The following OSBPL11 variants were observed in gnomAD, a reference collection of about 807,000 sequenced individuals.
OSBPL11 encodes the protein oxysterol binding protein like 11, also known as oxysterol-binding protein-related protein 11.
A neutral mutation model predicts 84.4 loss-of-function variants in OSBPL11; 33 were observed. That is an observed-to-expected ratio of 0.39 (90% CI 0.30 to 0.52). OSBPL11 has a LOEUF of 0.52. Among genes scored for constraint, OSBPL11 ranks in the 20% least tolerant of loss-of-function variants. OSBPL11 has a pLI of 0.72. For synonymous variants in OSBPL11, 276 were observed against 310.2 expected, an observed-to-expected ratio of 0.89 and a Z score of 1.16; for missense variants, 736 against 901.1, an observed-to-expected ratio of 0.82 and a Z score of 2.35.
In OSBPL11 at chr3:125,563,701, C is replaced by T. The variant is rs774027543; in HGVS notation, c.1011G>A (p.Ala337=). 13 of 1,613,858 alleles carry T rather than the reference C, an allele frequency of 8.1e-6. No individual in the cohort carries two copies. The highest frequency in any genetic ancestry group is 2.7e-5 in the African/African-American group (2 of 74,918). The part of the protein sequence containing the change: ...EQPVAESGLL[A]REPEEINADD... The stretch of plus-strand genomic sequence containing the variant: ...TCATATTTTTATATTACCTTACCCT[C>T]GCTAATAGTCCAGATTCTGCAACAG... Residue 337 remains alanine, a synonymous_variant, in exon 7 of 13, where the codon GCG becomes GCA. Transcript: ENST00000296220.
rs1935539219 is a variant in OSBPL11 at position 125,530,385 on chromosome 3, T to G, written c.*130A>C. On this transcript the variant is annotated 3_prime_UTR_variant, in exon 13 of 13. Transcript: ENST00000296220. ...TGCAGTATTATGGTGCCCTAGTAGGTACATTCAGGTTTAGCTAGTTTCAGT... is the reference window on the plus strand; with the variant it reads ...TGCAGTATTATGGTGCCCTAGTAGGGACATTCAGGTTTAGCTAGTTTCAGT... 3 of 812,234 alleles carry G rather than the reference T, an allele frequency of 3.7e-6. No individual in the cohort carries two copies. In the African/African-American group the frequency reaches 5.1e-5, roughly 14 times the overall value. 50.3% of individuals were successfully genotyped at this position (812,234 alleles called of 1,614,324 possible).
chr3:125,537,742 C>T (rs944938910), intron 11 of OSBPL11, among the ~76,000 whole-genome samples: 13 of 152,052 alleles, frequency 8.5e-5, no homozygotes, highest in Non-Finnish European at 1.8e-4. Flanking sequence ...TTAAACAGTA[C>T]AAATAGGAAT....
Position 125,594,731 on chromosome 3 carries a change from T to C in OSBPL11, c.70A>G (p.Thr24Ala). 1 of 1,614,230 alleles carries C rather than the reference T, an allele frequency of 6.2e-7. No homozygotes were observed. Among genetic ancestry groups the C allele is most frequent in the Non-Finnish European group, 8.5e-7 (1 of 1,180,046 alleles). The change falls in exon 1 of 13, where the codon ACA becomes GCA. Residue 24 changes from threonine to alanine, a missense_variant. Thr to Ala is a moderately conservative substitution (Grantham distance 58, BLOSUM62 0). This residue lies in a region of OSBPL11 where 114 missense variants were observed against 104.9 expected (regional missense o/e 1.09). Transcript: ENST00000296220. ...CTGTTCTTGTTCGGGGTCACCGCTGTGGCCTGGCCCTCCAGCTTTCCTTCG... is the reference window on the plus strand; with the variant it reads ...CTGTTCTTGTTCGGGGTCACCGCTGCGGCCTGGCCCTCCAGCTTTCCTTCG... ...ESEGKLEGQA[T>A]AVTPNKNSSC... is the part of the protein sequence containing the mutation.
intron 9 of OSBPL11, among the ~76,000 whole-genome samples, chr3:125,550,640 A>G (rs1223368369): frequency 3.3e-5 from 5 of 152,176 alleles, no homozygotes; most frequent in African/African-American, 4.8e-5. Flanking sequence ...TGTTCTTTGC[A>G]TAAGAGTTTT....
In OSBPL11 at chr3:125,530,414, C is replaced by T. The variant is rs376083015; in HGVS notation, c.*101G>A. ...TTCAGGTTTAGCTAGTTTCAGTCTGCGCAATCAGGAAGCAGGTCACTCAGT... is the reference window on the plus strand; with the variant it reads ...TTCAGGTTTAGCTAGTTTCAGTCTGTGCAATCAGGAAGCAGGTCACTCAGT... On this transcript the variant is annotated 3_prime_UTR_variant, in exon 13 of 13. Coordinates refer to ENST00000296220, the MANE Select transcript of OSBPL11 (RefSeq NM_022776.5). 1.6e-5 allele frequency: 17 copies of T among 1,064,728 alleles called. No individual in the cohort carries two copies. The highest frequency in any genetic ancestry group is 7.7e-5 in the African/African-American group (5 of 64,648). The allele number at this position is 1,064,728 out of a possible 1,614,324, so 66.0% of individuals were successfully genotyped here. A position where few individuals can be genotyped will look rare whatever the true frequency, so the allele number is the denominator to read the frequency against.
intron 9 of OSBPL11, among the ~76,000 whole-genome samples, chr3:125,549,027 C>CTT (rs554723992): frequency 6.8e-6 from 1 of 146,838 alleles, no homozygotes; most frequent in African/African-American, 2.5e-5. Flanking sequence ...TATTTTAAGT[C>CTT]TTTTTTTTTT....
At position 125,529,002 on chromosome 3, in the gene OSBPL11, T is replaced by C. The variant is rs1461263396; in HGVS notation, c.*1513A>G. 6.5e-6 allele frequency: 1 copy of C among 152,680 alleles called. No homozygotes were observed. The highest frequency in any genetic ancestry group is 1.9e-4 in the East Asian group (1 of 5,204). 9.5% of individuals were successfully genotyped at this position (152,680 alleles called of 1,614,324 possible). On this transcript the variant is annotated 3_prime_UTR_variant, in exon 13 of 13. Transcript: ENST00000296220. ...TTGTACACAAACCAACTCTTTTTCT[T>C]ATAATTTACAATTTGTTGAAAAAAT...
chr3:125,584,118 A>G (rs1936470425), intron 1 of OSBPL11, among the ~76,000 whole-genome samples: 1 of 152,128 alleles, frequency 6.6e-6, no homozygotes. Context: ...TAATCCCAGC[A>G]CTTTTGGAGG....
Position 125,568,914 on chromosome 3 carries a change from C to T in OSBPL11, c.667-1319G>A, listed in dbSNP as rs1012326862. On this transcript the variant is annotated intron_variant, in intron 5 of 12. Coordinates refer to ENST00000296220, the MANE Select transcript of OSBPL11 (RefSeq NM_022776.5). ...ATAGAAACTCTATATAGTGGACAGA[C>T]TCTTTTAGCTTTCAGAGGCTCTGTT... Among the ~76,000 whole-genome samples the T allele has an allele frequency of 2.6e-5, 4 of 151,786 alleles. No individual in the cohort carries two copies. The South Asian group carries it at 6.3e-4, about 24-fold the overall frequency.
chr3:125,534,387 TAA>T (rs60132491), intron 11 of OSBPL11, among the ~76,000 whole-genome samples: 13 of 141,480 alleles, frequency 9.2e-5, no homozygotes, highest in African/African-American at 1.3e-4. Flanking sequence ...TACTTTGTCT[TAA>T]AAAAAAAAAA....
At chr3:125,545,544 G>A (rs910593882) in intron 10 of OSBPL11, among the ~76,000 whole-genome samples, 2 of 152,036 alleles carry the variant, frequency 1.3e-5, no homozygotes, top group African/African-American at 4.8e-5. Flanking sequence ...AAAGCTTCTT[G>A]TAGGCAAAGA....
chr3:125,582,105 C>A (rs1014764576), intron 2 of OSBPL11, among the ~76,000 whole-genome samples: 1 of 151,998 alleles, frequency 6.6e-6, no homozygotes, highest in Admixed American at 6.6e-5. Flanking sequence ...GAGGCCAAGA[C>A]GGGTAGATCA....
chr3:125,576,489 T>A, intron 4 of OSBPL11, 124 bp from the exon 5 acceptor site: 1 of 666,218 alleles, frequency 1.5e-6, no homozygotes, highest in Non-Finnish European at 2.2e-6. Context: ...ACTTCAGAAT[T>A]GACTATGAGA....
At chr3:125,537,840 C>G (rs1935664501) in intron 11 of OSBPL11, among the ~76,000 whole-genome samples, 1 of 152,100 alleles carries the variant, frequency 6.6e-6, no homozygotes, top group South Asian at 2.1e-4. Flanking sequence ...GAAGCTGTAC[C>G]TTATTAACAC....
intron 1 of OSBPL11, among the ~76,000 whole-genome samples, chr3:125,589,433 C>G (rs535982112): frequency 3.2e-4 from 48 of 151,018 alleles, no homozygotes; most frequent in African/African-American, 1.1e-3. Context: ...AATAAACCAA[C>G]TCTTGCTCCT....
At position 125,530,373 on chromosome 3, in the gene OSBPL11, T is replaced by C. The variant is rs148479333; in HGVS notation, c.*142A>G. On this transcript the variant is annotated 3_prime_UTR_variant, in exon 13 of 13. Transcript: ENST00000296220. ...CTTTGGTCTTGCTGCAGTATTATGG[T>C]GCCCTAGTAGGTACATTCAGGTTTA... 2.0e-3 allele frequency: 1,497 copies of C among 742,282 alleles called. No homozygotes were observed. Among genetic ancestry groups the C allele is most frequent in the Non-Finnish European group, 2.9e-3 (1,260 of 427,130 alleles). The allele number at this position is 742,282 out of a possible 1,614,324, so 46.0% of individuals were successfully genotyped here.
intron 2 of OSBPL11, among the ~76,000 whole-genome samples, chr3:125,582,262 G>C: frequency 6.6e-6 from 1 of 151,824 alleles, no homozygotes. Flanking sequence ...TTGAACCCCG[G>C]AGGCAGAGGT....
At chr3:125,591,781 C>T (rs1248871101) in intron 1 of OSBPL11, among the ~76,000 whole-genome samples, 1 of 151,996 alleles carries the variant, frequency 6.6e-6, no homozygotes. Context: ...AAATAAATTC[C>T]AGATAGATTA....
rs894001938 is a variant in OSBPL11 at position 125,562,218 on chromosome 3, T to C, written c.1014+1480A>G. ...ATCAATTAAGAAAAAAATATATTGC[T>C]TTATATTATCATCTCATTTTAGTGT... On this transcript the variant is annotated intron_variant, in intron 7 of 12. Transcript: ENST00000296220. 6.6e-5 allele frequency among the ~76,000 whole-genome samples: 10 copies of C among 152,316 alleles called. No homozygotes were observed. In the South Asian group the frequency reaches 2.1e-3, roughly 32 times the overall value.
Sources: gnomAD v4.1 joint callset for allele counts (sites outside exome capture counted in the v4.1 genomes callset) on GRCh38, gnomAD v4.1.1 for gene constraint, gnomAD v4.1.1 regional missense constraint, MANE v1.5 for transcripts, NCBI Gene and HGNC (gene_info 2026-07-23, HGNC 2026-07-21) for gene names.